CABP1: variants seen among roughly 807,000 people sequenced by gnomAD.
CABP1 encodes the protein calcium binding protein 1.
CABP1 carries 17 observed loss-of-function variants against 34.3 expected under a neutral mutation model. The ratio of observed to expected loss-of-function variants is 0.50; its 90% CI spans 0.34 to 0.74. The LOEUF (loss-of-function observed/expected upper bound fraction) is 0.74. Among genes scored for constraint, CABP1 ranks in the 30% least tolerant of loss-of-function variants. CABP1 has a pLI of 0.01. For synonymous variants in CABP1, 198 were observed against 229.2 expected, an observed-to-expected ratio of 0.86 and a Z score of 1.23; for missense variants, 373 against 511.1, an observed-to-expected ratio of 0.73 and a Z score of 2.61.
chr12:120,660,015 C>A lies in CABP1; in HGVS notation c.685+107C>A. ...CCTGGAAATGGGGCCTGGTGCAACG[C>A]GGGGTATCTTCTGTGAAACCAGCTG... On this transcript the variant is annotated intron_variant, in intron 2 of 5. Transcript: ENST00000316803. This position sits in a 1 kb window ranked among gnomAD's most constrained non-coding sequence, Gnocchi z 5.0. 7.7e-7 allele frequency: 1 copy of A among 1,304,500 alleles called. No homozygotes were observed. Among genetic ancestry groups the A allele is most frequent in the Admixed American group, 2.0e-5 (1 of 49,800 alleles). 80.8% of individuals were successfully genotyped at this position (1,304,500 alleles called of 1,614,324 possible). A position where few individuals can be genotyped will look rare whatever the true frequency, so the allele number is the denominator to read the frequency against.
rs942179482 is a variant in CABP1, at chr12:120,667,220, C to T, written c.*320C>T. ...AGGGAGCCCGCCAGCAGACCCCACA[C>T]AGCATGTCCGCCCCAGGGCAAAGCC... is the stretch of plus-strand genomic sequence containing the variant. On this transcript the variant is annotated 3_prime_UTR_variant, in exon 6 of 6. Coordinates refer to ENST00000316803, the MANE Select transcript of CABP1 (RefSeq NM_001033677.2). 2 of 503,842 alleles carry T rather than the reference C, an allele frequency of 4.0e-6. No homozygotes were observed. Among genetic ancestry groups the T allele is most frequent in the Non-Finnish European group, 7.2e-6 (2 of 278,264 alleles). The allele number at this position is 503,842 out of a possible 1,614,324, so 31.2% of individuals were successfully genotyped here. A position where few individuals can be genotyped will look rare whatever the true frequency, so the allele number is the denominator to read the frequency against.
the CABP1 span, among the ~76,000 whole-genome samples, chr12:120,672,956 G>A: frequency 6.6e-6 from 1 of 152,116 alleles, no homozygotes; most frequent in Non-Finnish European, 1.5e-5. Context: ...CTTGAACCTC[G>A]GAGGCAGAAG....
In CABP1 at chr12:120,641,752, T is replaced by TG. The variant is rs1565993015; in HGVS notation, c.654+418dup. ...TCAGGAGAGCAAGCGGTTTGGAGTC[T>TG]GGGGGTCAAGAGAGGGGACCTCAGA... On this transcript the variant is annotated intron_variant, in intron 1 of 5. Transcript: ENST00000316803. The surrounding 1 kb of genome is among the most constrained non-coding windows in gnomAD (Gnocchi z 6.7). 6.6e-6 allele frequency among the ~76,000 whole-genome samples: 1 copy of TG among 152,132 alleles called. No individual in the cohort carries two copies. The highest frequency in any genetic ancestry group is 2.4e-5 in the African/African-American group (1 of 41,426).
intron 1 of CABP1, chr12:120,650,369 T>G (rs1176157384): frequency 1.1e-6 from 1 of 888,712 alleles, no homozygotes; most frequent in Non-Finnish European, 1.6e-6. Context: ...CCCCTTCTGC[T>G]TTCATCTCCT....
At chr12:120,653,725 G>T (rs1593160530) in intron 1 of CABP1, among the ~76,000 whole-genome samples, 2 of 152,220 alleles carry the variant, frequency 1.3e-5, no homozygotes, top group African/African-American at 4.8e-5. Context: ...GTACAGACGG[G>T]GTTTCGCCAT....
the CABP1 span, among the ~76,000 whole-genome samples, chr12:120,678,778 A>G: frequency 6.6e-6 from 1 of 152,134 alleles, no homozygotes; most frequent in African/African-American, 2.4e-5. Flanking sequence ...CTAATTTTAA[A>G]AACCACATCC....
Position 120,660,088 on chromosome 12 carries a change from A to G in CABP1, c.686-108A>G. 6.3e-6 allele frequency: 9 copies of G among 1,433,236 alleles called. No homozygotes were observed. Among genetic ancestry groups the G allele is most frequent in the Non-Finnish European group, 8.6e-6 (9 of 1,040,786 alleles). 88.8% of individuals were successfully genotyped at this position (1,433,236 alleles called of 1,614,324 possible). ...AGAGAAATGCCCCAGCATCCTGGGA[A>G]GCTCCTGGGCCTCTCTTTCCATGCC... On this transcript the variant is annotated intron_variant, in intron 2 of 5. Transcript: ENST00000316803. This position sits in a 1 kb window ranked among gnomAD's most constrained non-coding sequence, Gnocchi z 5.0.
At chr12:120,642,024 T>A (rs967710324) in intron 1 of CABP1, among the ~76,000 whole-genome samples, 1 of 152,092 alleles carries the variant, frequency 6.6e-6, no homozygotes, top group Non-Finnish European at 1.5e-5. Context: ...CCCTCAGGCC[T>A]TTCCCTCAAG....
In CABP1 at chr12:120,660,870, C is replaced by A; in HGVS notation, c.939+30C>A. 1 of 1,527,146 alleles carries A rather than the reference C, an allele frequency of 6.5e-7. No individual in the cohort carries two copies. Among genetic ancestry groups the A allele is most frequent in the South Asian group, 1.1e-5 (1 of 89,236 alleles). The allele number at this position is 1,527,146 out of a possible 1,614,324, so 94.6% of individuals were successfully genotyped here. On this transcript the variant is annotated intron_variant, in intron 4 of 5. Transcript: ENST00000316803. The surrounding 1 kb of genome is among the most constrained non-coding windows in gnomAD (Gnocchi z 5.0). ...CGGACAGAGGCAGGCAGGCATGGGG[C>A]GGCTATTGGAATCCTATCTGCAGTA...
At chr12:120,669,038 G>A (rs2137383758), downstream of CABP1, among the ~76,000 whole-genome samples, 1 of 151,352 alleles carries the variant, frequency 6.6e-6, no homozygotes, top group Middle Eastern at 3.4e-3. Flanking sequence ...TAGCACTGCT[G>A]TAAACCCCAG....
At chr12:120,676,335 C>T in the CABP1 span, among the ~76,000 whole-genome samples, 2 of 152,138 alleles carry the variant, frequency 1.3e-5, no homozygotes, top group African/African-American at 4.8e-5. Flanking sequence ...TATAATCCAA[C>T]GTGCAGGTGT....
intron 1 of CABP1, chr12:120,650,538 G>A: frequency 6.2e-7 from 1 of 1,602,902 alleles, no homozygotes; most frequent in South Asian, 1.1e-5. Context: ...ACAGACGGAG[G>A]GAGGCTGGGG....
downstream of CABP1, among the ~76,000 whole-genome samples, chr12:120,671,931 G>A (rs1881263117): frequency 6.6e-6 from 1 of 152,068 alleles, no homozygotes; most frequent in South Asian, 2.1e-4. Context: ...AGCCAGATGT[G>A]GTTGCATGTA....
At chr12:120,672,407 C>T in the CABP1 span, among the ~76,000 whole-genome samples, 11,004 of 151,514 alleles carry the variant, frequency 0.073, 926 homozygotes, top group African/African-American at 0.2. Context: ...CCGAAGTGGG[C>T]GGATCACCTG....
downstream of CABP1, among the ~76,000 whole-genome samples, chr12:120,670,447 A>C (rs1881213956): frequency 6.6e-6 from 1 of 151,682 alleles, no homozygotes; most frequent in Non-Finnish European, 1.5e-5. Flanking sequence ...GTGTCATCTT[A>C]GAAAAGCTCT....
chr12:120,647,177 C>T (rs1235177600), intron 1 of CABP1, among the ~76,000 whole-genome samples: 4 of 152,150 alleles, frequency 2.6e-5, no homozygotes, highest in African/African-American at 4.8e-5. Flanking sequence ...CCACGCTTGG[C>T]CCTTTAATAC....
intron 1 of CABP1, among the ~76,000 whole-genome samples, chr12:120,657,157 G>C (rs922782565): frequency 1.3e-5 from 2 of 152,128 alleles, no homozygotes; most frequent in African/African-American, 4.8e-5. Context: ...TGCAACTAAG[G>C]AACTGAATTA....
the CABP1 span, among the ~76,000 whole-genome samples, chr12:120,677,354 C>CTGGG: frequency 6.9e-6 from 1 of 144,968 alleles, no homozygotes; most frequent in Non-Finnish European, 1.5e-5. Context: ...TCCTAAAGTG[C>CTGGG]TGGGATTACA....
downstream of CABP1, among the ~76,000 whole-genome samples, chr12:120,667,525 G>A (rs373621951): frequency 1.6e-4 from 24 of 152,242 alleles, no homozygotes; most frequent in East Asian, 3.5e-3. Flanking sequence ...GTCTAGCTCC[G>A]TCACCCAGGC....
Sources: gnomAD v4.1 joint callset for allele counts (sites outside exome capture counted in the v4.1 genomes callset) on GRCh38, gnomAD v4.1.1 for gene constraint, Gnocchi (gnomAD v3.1) non-coding constraint, MANE v1.5 for transcripts, NCBI Gene and HGNC (gene_info 2026-07-23, HGNC 2026-07-21) for gene names.